ANPEP: variants seen among roughly 807,000 people sequenced by gnomAD.
ANPEP encodes the protein aminopeptidase N.
Under a neutral mutation model 114.6 loss-of-function variants are expected in ANPEP, and 70 were observed. That is an observed-to-expected ratio of 0.61 (90% CI 0.50 to 0.75). The LOEUF (loss-of-function observed/expected upper bound fraction) is 0.75. ANPEP is among the 30% of genes least tolerant of loss of function. ANPEP has a pLI of 0.00. For missense variants in ANPEP, 1,184 were observed against 1,259.5 expected (o/e 0.94, Z 0.91); for synonymous variants, 548 against 522.3 (o/e 1.05, Z -0.67).
At position 89,804,355 on chromosome 15, in the gene ANPEP, C is replaced by G; in HGVS notation, c.1077G>C (p.Leu359=). ...FNAGAMENWG[L]VTYRENSLLF... ...GCAGGGAGTTCTCCCGGTAGGTCAC[C>G]AGTCCCCAGTTCTCCATGGCGCCGG... The change falls in exon 6 of 21, where the codon CTG becomes CTC. Residue 359 remains leucine, a synonymous_variant. Transcript: ENST00000300060. The G allele has an allele frequency of 6.2e-7, 1 of 1,614,218 alleles. No homozygotes were observed. The highest frequency in any genetic ancestry group is 1.1e-5 in the South Asian group (1 of 91,082).
Position 89,799,850 on chromosome 15 carries a change from G to A in ANPEP, c.1820-291C>T, listed in dbSNP as rs1236810953. On this transcript the variant is annotated intron_variant, in intron 12 of 20. Transcript: ENST00000300060. This position sits in a 1 kb window ranked among gnomAD's most constrained non-coding sequence, Gnocchi z 4.2. ...CCGCTCACACTCAGCAATCCAGGCT[G>A]TTCCTCCTCCTTGCCCTCCTCCACA... 6.6e-6 allele frequency among the ~76,000 whole-genome samples: 1 copy of A among 152,164 alleles called. No homozygotes were observed. The highest frequency in any genetic ancestry group is 1.5e-5 in the Non-Finnish European group (1 of 68,016).
intron 2 of ANPEP, 53 bp from the exon 3 acceptor site, chr15:89,805,516 G>C: frequency 1.9e-6 from 3 of 1,603,744 alleles, no homozygotes; most frequent in Non-Finnish European, 2.6e-6. Flanking sequence ...TGTGGGAGGG[G>C]CTCTGAGGAT....
chr15:89,797,014 T>G (rs1050227958), intron 15 of ANPEP, among the ~76,000 whole-genome samples: 1 of 152,236 alleles, frequency 6.6e-6, no homozygotes, highest in African/African-American at 2.4e-5. Flanking sequence ...AGTTTCCTTT[T>G]GGTCTCCCAA....
At chr15:89,794,842 A>G (rs1342862580) in intron 15 of ANPEP, among the ~76,000 whole-genome samples, 2 of 152,074 alleles carry the variant, frequency 1.3e-5, no homozygotes, top group African/African-American at 4.8e-5. Flanking sequence ...ACAGAGGCTT[A>G]CTCTCTGGAA....
At chr15:89,810,034 C>T (rs747305087) in intron 1 of ANPEP, among the ~76,000 whole-genome samples, 24 of 152,142 alleles carry the variant, frequency 1.6e-4, no homozygotes, top group Non-Finnish European at 3.2e-4. Flanking sequence ...GCCCCCACTC[C>T]CCTCTGCGCT....
At position 89,792,410 on chromosome 15, in the gene ANPEP, G is replaced by A. The variant is rs372453455; in HGVS notation, c.2360+42C>T. ...TCTGCTGAGGACGGGGCTGTTGGGG[G>A]CAGATGAAGACTGGCAGAGGAGGCG... On this transcript the variant is annotated intron_variant, in intron 17 of 20. Transcript: ENST00000300060. The A allele has an allele frequency of 9.3e-6, 15 of 1,612,496 alleles. No individual in the cohort carries two copies. The Admixed American group carries it at 1.2e-4, about 13-fold the overall frequency.
At chr15:89,791,184 A>C (rs7169161) in intron 18 of ANPEP, 91 bp from the exon 19 acceptor site, 1 of 1,438,036 alleles carries the variant, frequency 7.0e-7, no homozygotes, top group Non-Finnish European at 9.5e-7. Flanking sequence ...CTATGCCTGC[A>C]TCCTCTCAAC....
rs377402325 is a variant in ANPEP at position 89,799,341 on chromosome 15, C to G, written c.1954-26G>C. 2 of 1,614,168 alleles carry G rather than the reference C, an allele frequency of 1.2e-6. No homozygotes were observed. Among genetic ancestry groups the G allele is most frequent in the African/African-American group, 1.3e-5 (1 of 75,036 alleles). Reference sequence around the variant, plus strand: ...CTAGAATGCGAAGCACAGCATGTGACCATGGGTTGGCTGTGGGTGGCAGGC... The same window carrying G: ...CTAGAATGCGAAGCACAGCATGTGAGCATGGGTTGGCTGTGGGTGGCAGGC... On this transcript the variant is annotated intron_variant, in intron 13 of 20. Transcript: ENST00000300060. The surrounding 1 kb of genome is among the most constrained non-coding windows in gnomAD (Gnocchi z 4.2).
Position 89,803,873 on chromosome 15 carries a change from T to C in ANPEP, c.1293+16A>G, listed in dbSNP as rs780746781. 1.2e-6 allele frequency: 2 copies of C among 1,613,978 alleles called. No individual in the cohort carries two copies. Among genetic ancestry groups the C allele is most frequent in the African/African-American group, 2.7e-5 (2 of 74,926 alleles). On this transcript the variant is annotated intron_variant, in intron 7 of 20. Transcript: ENST00000300060. The surrounding 1 kb of genome is among the most constrained non-coding windows in gnomAD (Gnocchi z 4.2). ...CTCCATGCCCCCCGCACCAGACCCC[T>C]GGGCAGCTGGCTTACCAAGTTCCAG...
intron 20 of ANPEP, among the ~76,000 whole-genome samples, chr15:89,786,964 C>G (rs973537265): frequency 6.6e-6 from 1 of 151,938 alleles, no homozygotes; most frequent in Non-Finnish European, 1.5e-5. Flanking sequence ...AAGTTGGACC[C>G]CAACCTCATA....
At chr15:89,808,430 G>A (rs1894762679) in intron 1 of ANPEP, among the ~76,000 whole-genome samples, 1 of 152,226 alleles carries the variant, frequency 6.6e-6, no homozygotes, top group Non-Finnish European at 1.5e-5. Context: ...CAGGCCCCAT[G>A]ACAGCAGGGC....
Position 89,806,658 on chromosome 15 carries a change from C to A in ANPEP, c.-75G>T. On this transcript the variant is annotated 5_prime_UTR_variant, in exon 2 of 21. Transcript: ENST00000300060. The surrounding 1 kb of genome is among the most constrained non-coding windows in gnomAD (Gnocchi z 5.7). ...GAGCAGCCCCAGGCCGGGCTTATAT[C>A]CCCAAAGGGGAGGAGCCCCACAACA... 1.4e-6 allele frequency: 2 copies of A among 1,462,314 alleles called. No individual in the cohort carries two copies. Among genetic ancestry groups the A allele is most frequent in the Non-Finnish European group, 1.8e-6 (2 of 1,107,444 alleles). The allele number at this position is 1,462,314 out of a possible 1,614,324, so 90.6% of individuals were successfully genotyped here.
At chr15:89,801,751 G>T in intron 10 of ANPEP, 144 bp from the exon 11 acceptor site, 3 of 940,268 alleles carry the variant, frequency 3.2e-6, no homozygotes, top group Non-Finnish European at 4.7e-6. Flanking sequence ...GGAGCCGGGA[G>T]CCAGGGTACC....
chr15:89,801,273 C>G (rs1894583330), intron 11 of ANPEP, 86 bp from the exon 12 acceptor site: 2 of 1,560,960 alleles, frequency 1.3e-6, no homozygotes, highest in African/African-American at 2.7e-5. Context: ...CAGCTTCTGC[C>G]CAGCTCTGGC....
At chr15:89,796,790 C>G (rs1008936261) in intron 15 of ANPEP, among the ~76,000 whole-genome samples, 1 of 152,100 alleles carries the variant, frequency 6.6e-6, no homozygotes, top group Non-Finnish European at 1.5e-5. Flanking sequence ...CCCCACTGCA[C>G]CCGGCCTGAT....
intron 6 of ANPEP, 25 bp from the exon 7 acceptor site, chr15:89,804,027 C>T (rs758782147): frequency 6.2e-7 from 1 of 1,606,058 alleles, no homozygotes; most frequent in African/African-American, 1.3e-5. Flanking sequence ...GTCAGCTGGG[C>T]AAGCCACGCC....
intron 16 of ANPEP, 67 bp from the exon 17 acceptor site, chr15:89,792,629 A>G (rs1412373907): frequency 2.8e-6 from 4 of 1,408,214 alleles, no homozygotes; most frequent in East Asian, 2.3e-5. Context: ...CTCTTGACAC[A>G]CAACCCCAGG....
At chr15:89,813,615 T>C (rs1894853617) in intron 1 of ANPEP, among the ~76,000 whole-genome samples, 2 of 152,068 alleles carry the variant, frequency 1.3e-5, no homozygotes, top group Non-Finnish European at 1.5e-5. Context: ...GTCCACCCTC[T>C]TCCCTGCCCA....
chr15:89,812,224 C>T (rs1472400999), intron 1 of ANPEP, among the ~76,000 whole-genome samples: 1 of 152,254 alleles, frequency 6.6e-6, no homozygotes, highest in African/African-American at 2.4e-5. Flanking sequence ...CCACTGGGTC[C>T]TTGGGTAGGC....
Sources: allele counts gnomAD v4.1 joint callset (sites outside exome capture counted in the v4.1 genomes callset), GRCh38; gene constraint gnomAD v4.1.1; non-coding constraint Gnocchi (gnomAD v3.1); transcripts MANE v1.5; gene names NCBI Gene and HGNC (gene_info 2026-07-23, HGNC 2026-07-21).